Variants in TENM1 observed in about 807,000 individuals in gnomAD.
TENM1 encodes teneurin-1.
Under a neutral mutation model 174.8 loss-of-function variants are expected in TENM1, and 35 were observed. The ratio of observed to expected loss-of-function variants is 0.20; its 90% CI spans 0.15 to 0.27. TENM1 has a LOEUF of 0.27. Among genes scored for constraint, TENM1 ranks in the 10% least tolerant of loss-of-function variants. The pLI, the probability that TENM1 is intolerant of heterozygous loss-of-function variation, is 1.00. For synonymous variants in TENM1, 781 were observed against 798.7 expected (o/e 0.98, Z 0.37); for missense variants, 1,633 against 2,130.1 (o/e 0.77, Z 4.59).
chrX:125,176,128 T>C, the TENM1 span, among the ~76,000 whole-genome samples: 2 of 111,960 alleles, frequency 1.8e-5, no homozygotes, highest in Non-Finnish European at 3.8e-5. Context: ...AATTCTGTTT[T>C]CTATGTCATC....
At chrX:125,200,654 T>TGTGA in the TENM1 span, among the ~76,000 whole-genome samples, 287 of 92,420 alleles carry the variant, frequency 3.1e-3, 3 homozygotes, top group African/African-American at 0.011. Context: ...TGTGTGTGTG[T>TGTGA]GAGAGAGAGA....
At chrX:124,979,746 C>T in the TENM1 span, among the ~76,000 whole-genome samples, 10 of 108,613 alleles carry the variant, frequency 9.2e-5, no homozygotes, top group African/African-American at 3.0e-4. Flanking sequence ...AAAAAATGGC[C>T]GAGTTTTTAA....
intron 11 of TENM1, among the ~76,000 whole-genome samples, chrX:124,579,656 T>C (rs560465859): frequency 2.7e-5 from 3 of 112,300 alleles, no homozygotes; most frequent in African/African-American, 9.7e-5. Context: ...CACTATATTG[T>C]AAGTTGATGA....
chrX:125,072,572 A>G, the TENM1 span, among the ~76,000 whole-genome samples: 1 of 111,859 alleles, frequency 8.9e-6, no homozygotes, highest in Non-Finnish European at 1.9e-5. Context: ...GTTTGGGACT[A>G]TAATACTCAA....
At chrX:124,542,567 G>A (rs1286307640) in intron 15 of TENM1, among the ~76,000 whole-genome samples, 1 of 111,491 alleles carries the variant, frequency 9.0e-6, no homozygotes, top group East Asian at 2.8e-4. Flanking sequence ...CAGCAGGACT[G>A]TTGCAAGATT....
intron 27 of TENM1, among the ~76,000 whole-genome samples, chrX:124,395,047 T>G (rs1392125498): frequency 1.8e-5 from 2 of 111,831 alleles, no homozygotes; most frequent in African/African-American, 6.5e-5. Context: ...AGACCCCTGA[T>G]GCAACCTGAG....
intron 3 of TENM1, among the ~76,000 whole-genome samples, chrX:124,882,966 C>A (rs187796418): frequency 8.9e-6 from 1 of 111,747 alleles, no homozygotes; most frequent in East Asian, 2.8e-4. Flanking sequence ...GATCTTTCAC[C>A]TCCTTGTTTA....
At chrX:124,525,166 A>G (rs1202982576) in intron 16 of TENM1, among the ~76,000 whole-genome samples, 1 of 112,444 alleles carries the variant, frequency 8.9e-6, no homozygotes, top group East Asian at 2.8e-4. Context: ...ATGAACAGTA[A>G]CAAAGGATGG....
chrX:124,591,997 G>A (rs1235447033), intron 11 of TENM1, among the ~76,000 whole-genome samples: 1 of 111,085 alleles, frequency 9.0e-6, no homozygotes, highest in East Asian at 2.8e-4. Flanking sequence ...TTCTTTCTTC[G>A]GCTTGGTCTA....
intron 23 of TENM1, among the ~76,000 whole-genome samples, chrX:124,445,919 G>A (rs1015928752): frequency 3.6e-5 from 4 of 112,165 alleles, no homozygotes; most frequent in African/African-American, 1.3e-4. Context: ...CTCATCTCCT[G>A]AAGTGAAAGG....
intron 23 of TENM1, among the ~76,000 whole-genome samples, chrX:124,426,234 C>A (rs916658842): frequency 9.0e-6 from 1 of 111,664 alleles, no homozygotes; most frequent in African/African-American, 3.3e-5. Context: ...CCCCACCCTA[C>A]CACTCACTTG....
Position 124,850,774 on chromosome X carries a change from G to GA in TENM1, c.535+43521dup, listed in dbSNP as rs894099894. 3.4e-4 allele frequency among the ~76,000 whole-genome samples: 36 copies of GA among 107,325 alleles called. 1 individual carries two copies. In the Middle Eastern group the frequency reaches 0.019, roughly 56 times the overall value. 93.2% of individuals were successfully genotyped at this position (107,325 alleles called of 115,157 possible). ...AATAATTAGAAAAAACACAATAGAAGAAAAAAAAACAAGAATACTAGGATG... is the reference window on the plus strand; with the variant it reads ...AATAATTAGAAAAAACACAATAGAAGAAAAAAAAAACAAGAATACTAGGATG... On this transcript the variant is annotated intron_variant, in intron 3 of 31. Transcript: ENST00000422452.
intron 11 of TENM1, among the ~76,000 whole-genome samples, chrX:124,610,543 ACTT>A (rs1380592164): frequency 2.7e-5 from 3 of 111,263 alleles, no homozygotes; most frequent in African/African-American, 9.8e-5. Context: ...TAAGTATTGT[ACTT>A]CTTCCTACTA....
chrX:124,784,100 A>G (rs989815641), intron 3 of TENM1, among the ~76,000 whole-genome samples: 4 of 112,566 alleles, frequency 3.6e-5, no homozygotes, highest in African/African-American at 1.3e-4. Context: ...TAGAATAATA[A>G]TAGAACAGAA....
At chrX:124,935,185 T>C (rs547459129) in intron 1 of TENM1, among the ~76,000 whole-genome samples, 1 of 106,748 alleles carries the variant, frequency 9.4e-6, no homozygotes, top group Middle Eastern at 4.7e-3. Flanking sequence ...TCTGTAAAGC[T>C]AAGTGGCTAT....
chrX:124,964,031 T>C (rs2147820403), upstream of TENM1, among the ~76,000 whole-genome samples: 1 of 111,962 alleles, frequency 8.9e-6, no homozygotes, highest in Admixed American at 9.5e-5. Flanking sequence ...GGTTGCAGCA[T>C]CAGAAAATAC....
At chrX:125,032,162 CT>C in the TENM1 span, among the ~76,000 whole-genome samples, 1 of 107,699 alleles carries the variant, frequency 9.3e-6, no homozygotes. Context: ...CAGTATGTTC[CT>C]TTTTAAATCA....
chrX:124,733,974 C>T (rs1273753881), intron 4 of TENM1, among the ~76,000 whole-genome samples: 1 of 111,979 alleles, frequency 8.9e-6, no homozygotes, highest in African/African-American at 3.3e-5. Context: ...AGAACTGCTA[C>T]TTAACCATAT....
the TENM1 span, among the ~76,000 whole-genome samples, chrX:125,063,791 C>T: frequency 9.0e-6 from 1 of 110,991 alleles, no homozygotes; most frequent in Non-Finnish European, 1.9e-5. Context: ...ACCATTTGAC[C>T]CAGCCATCCC....
Sources: gnomAD v4.1 joint callset for allele counts (sites outside exome capture counted in the v4.1 genomes callset) on GRCh38, gnomAD v4.1.1 for gene constraint, MANE v1.5 for transcripts, NCBI Gene and HGNC (gene_info 2026-07-23, HGNC 2026-07-21) for gene names.